ZEB2: variants seen among roughly 807,000 people sequenced by gnomAD.
ZEB2 encodes zinc finger E-box-binding homeobox 2.
A neutral mutation model predicts 99.9 loss-of-function variants in ZEB2; 6 were observed. The observed-to-expected ratio is 0.06, with a 90% confidence interval of 0.03 to 0.12. ZEB2 has a LOEUF of 0.12. ZEB2 is among the 10% of genes least tolerant of loss of function. The probability of loss-of-function intolerance (pLI) is 1.00; values close to 1 mark genes in which losing one functional copy is unlikely to be tolerated. For missense variants in ZEB2, 969 were observed against 1,502.8 expected (o/e 0.64, Z 5.87); for synonymous variants, 517 against 542.5 (o/e 0.95, Z 0.65).
intron 2 of ZEB2, among the ~76,000 whole-genome samples, chr2:144,454,198 C>T (rs1033260748): frequency 6.6e-6 from 1 of 152,130 alleles, no homozygotes; most frequent in African/African-American, 2.4e-5. Context: ...GATGTTGCTT[C>T]GTATTTGGGA....
chr2:144,402,894 T>G (rs1371409738), intron 6 of ZEB2, among the ~76,000 whole-genome samples: 1 of 152,246 alleles, frequency 6.6e-6, no homozygotes, highest in Non-Finnish European at 1.5e-5. Flanking sequence ...TTCCATAATC[T>G]AGTCTTATCA....
At chr2:144,398,221 GA>G (rs1279653221) in intron 8 of ZEB2, 79 bp downstream of exon 8, 5 of 1,559,940 alleles carry the variant, frequency 3.2e-6, no homozygotes, top group East Asian at 2.3e-5. Context: ...TTTTCACTAA[GA>G]TTTTTTTTTC....
chr2:144,428,273 G>A (rs557115901), intron 3 of ZEB2: 1 of 152,010 alleles, frequency 6.6e-6, no homozygotes, highest in African/African-American at 2.4e-5. Context: ...ATGAGTTCTC[G>A]CCACACTCTG....
intron 4 of ZEB2, among the ~76,000 whole-genome samples, chr2:144,417,849 G>T (rs1703561379): frequency 6.6e-6 from 1 of 152,142 alleles, no homozygotes; most frequent in Non-Finnish European, 1.5e-5. Context: ...TTATCACAAA[G>T]AAATGATAAA....
At chr2:144,494,850 C>T (rs966377434) in intron 2 of ZEB2, 2 of 152,214 alleles carry the variant, frequency 1.3e-5, no homozygotes, top group East Asian at 1.9e-4. Flanking sequence ...TACGCATAAA[C>T]AAACAGCGCA....
In ZEB2 at chr2:144,384,810, A is replaced by T. The variant is rs1423243298; in HGVS notation, c.*4641T>A. 6.6e-6 allele frequency: 1 copy of T among 152,180 alleles called. No individual in the cohort carries two copies. The highest frequency in any genetic ancestry group is 2.4e-5 in the African/African-American group (1 of 41,456). The allele number at this position is 152,180 out of a possible 1,614,324, so 9.4% of individuals were successfully genotyped here. A position where few individuals can be genotyped will look rare whatever the true frequency, so the allele number is the denominator to read the frequency against. On this transcript the variant is annotated 3_prime_UTR_variant, in exon 10 of 10. Transcript: ENST00000627532. ...CACAGTTTAACAATTTAATTGAAAA[A>T]ACCAAAGCTAAGCCTTCAGTCTGAA...
chr2:144,424,311 A>G (rs1703660487), intron 4 of ZEB2: 1 of 508,978 alleles, frequency 2.0e-6, no homozygotes, highest in Non-Finnish European at 3.9e-6. Flanking sequence ...ACAAGTAAAG[A>G]AAGGATTAAA....
At chr2:144,512,809 T>C (rs1200311107) in intron 2 of ZEB2, 1 of 1,286,870 alleles carries the variant, frequency 7.8e-7, no homozygotes, top group South Asian at 1.2e-5. Context: ...GTGTGCAGCG[T>C]GACAAAACTT....
chr2:144,400,425 A>G (rs2149877610), intron 7 of ZEB2, 155 bp from the exon 8 acceptor site: 1 of 835,170 alleles, frequency 1.2e-6, no homozygotes, highest in South Asian at 1.7e-5. Flanking sequence ...GACCATAACC[A>G]TTTCTGAACT....
intron 2 of ZEB2, among the ~76,000 whole-genome samples, chr2:144,508,374 C>A (rs1704981022): frequency 6.6e-6 from 1 of 152,140 alleles, no homozygotes; most frequent in African/African-American, 2.4e-5. Context: ...TGTCAAATCA[C>A]CAGGAGGCTG....
At chr2:144,477,399 A>G (rs1297667802) in intron 2 of ZEB2, among the ~76,000 whole-genome samples, 8 of 152,212 alleles carry the variant, frequency 5.3e-5, no homozygotes, top group Non-Finnish European at 2.9e-5. Context: ...GTTTCTGCAT[A>G]ATTTTTTTTC....
At chr2:144,446,600 C>T (rs2149898096) in intron 2 of ZEB2, among the ~76,000 whole-genome samples, 1 of 152,282 alleles carries the variant, frequency 6.6e-6, no homozygotes. Context: ...GTGCTCTTTA[C>T]TATGGGTATT....
At chr2:144,404,704 T>C in intron 5 of ZEB2, 132 bp downstream of exon 5, 1 of 1,228,762 alleles carries the variant, frequency 8.1e-7, no homozygotes, top group South Asian at 1.4e-5. Flanking sequence ...AGTTCTAATC[T>C]TTGCTCATGA....
intron 2 of ZEB2, chr2:144,511,477 A>G: frequency 7.8e-7 from 1 of 1,274,940 alleles, no homozygotes; most frequent in Non-Finnish European, 1.0e-6. Flanking sequence ...CACAAGATAA[A>G]AGTATTTGGC....
At chr2:144,454,553 T>C (rs546387951) in intron 2 of ZEB2, among the ~76,000 whole-genome samples, 1 of 152,314 alleles carries the variant, frequency 6.6e-6, no homozygotes, top group Non-Finnish European at 1.5e-5. Context: ...ATTAACTTAT[T>C]TTACCTAAAT....
intron 2 of ZEB2, among the ~76,000 whole-genome samples, chr2:144,439,384 C>G (rs1703878550): frequency 6.6e-6 from 1 of 152,182 alleles, no homozygotes; most frequent in African/African-American, 2.4e-5. Context: ...GGTGAGACGG[C>G]CTGGTGCGTC....
chr2:144,431,326 A>C (rs1703766912), intron 2 of ZEB2, among the ~76,000 whole-genome samples: 1 of 152,130 alleles, frequency 6.6e-6, no homozygotes, highest in Admixed American at 6.5e-5. Context: ...CTAGTTACAA[A>C]TTTTAGTCAG....
chr2:144,400,446 T>C lies in ZEB2; in HGVS notation c.917-176A>G, dbSNP rs1024474280. The C allele has an allele frequency of 9.8e-6, 7 of 715,122 alleles. No homozygotes were observed. The African/African-American group carries it at 1.2e-4, about 13-fold the overall frequency. The allele number at this position is 715,122 out of a possible 1,614,324, so 44.3% of individuals were successfully genotyped here. ...AACCATTTCTGAACTTTATCTGCCC[T>C]GGGAGGACATAATTCAAGATGTTCA... On this transcript the variant is annotated intron_variant, in intron 7 of 9. Coordinates refer to ENST00000627532, the MANE Select transcript of ZEB2 (RefSeq NM_014795.4).
intron 2 of ZEB2, among the ~76,000 whole-genome samples, chr2:144,469,356 T>C (rs568085527): frequency 6.6e-6 from 1 of 152,274 alleles, no homozygotes; most frequent in East Asian, 1.9e-4. Flanking sequence ...ACTAACACAC[T>C]GCCTTCGTAG....
Sources: gnomAD v4.1 joint callset for allele counts (sites outside exome capture counted in the v4.1 genomes callset) on GRCh38, gnomAD v4.1.1 for gene constraint, MANE v1.5 for transcripts, NCBI Gene and HGNC (gene_info 2026-07-23, HGNC 2026-07-21) for gene names.